The following GALNT10 variants were observed in gnomAD, a reference collection of about 807,000 sequenced individuals.
GALNT10 encodes GalNAc transferase 10.
A neutral mutation model predicts 75.0 loss-of-function variants in GALNT10; 41 were observed. The observed-to-expected ratio is 0.55, with a 90% CI of 0.43 to 0.71. GALNT10 has a LOEUF of 0.71. Among genes scored for constraint, GALNT10 ranks in the 30% least tolerant of loss-of-function variants. GALNT10 has a pLI of 0.00. For synonymous variants in GALNT10, 302 were observed against 313.0 expected, an observed-to-expected ratio of 0.96 and a Z score of 0.37; for missense variants, 727 against 818.5, an observed-to-expected ratio of 0.89 and a Z score of 1.36.
intron 1 of GALNT10, among the ~76,000 whole-genome samples, chr5:154,257,891 TG>T (rs1267790710): frequency 6.6e-6 from 1 of 152,276 alleles, no homozygotes; most frequent in East Asian, 1.9e-4. Context: ...AAATCTTTCT[TG>T]AAACACTTCT....
At chr5:154,228,045 G>A (rs1417930529) in intron 1 of GALNT10, among the ~76,000 whole-genome samples, 3 of 151,906 alleles carry the variant, frequency 2.0e-5, no homozygotes, top group Non-Finnish European at 2.9e-5. Flanking sequence ...ATTTTCTCTC[G>A]CTCCTACATT....
chr5:154,366,011 A>T (rs1381486027), intron 4 of GALNT10, among the ~76,000 whole-genome samples: 1 of 152,196 alleles, frequency 6.6e-6, no homozygotes, highest in Non-Finnish European at 1.5e-5. Context: ...CATGTATATC[A>T]AGAGCAGATA....
chr5:154,202,722 CAG>C (rs1257819361), intron 1 of GALNT10, among the ~76,000 whole-genome samples: 3 of 152,230 alleles, frequency 2.0e-5, no homozygotes, highest in Admixed American at 2.0e-4. Context: ...GGCACACGAG[CAG>C]AGTCAGTTTT....
In GALNT10 at chr5:154,404,168, A is replaced by C. The variant is rs761407846; in HGVS notation, c.1121A>C (p.Lys374Thr). Reference sequence around the variant, plus strand: ...TCCAGGGTGGGCCATATCTACAGGAAGTATGTGCCCTACAAGGTCCCGGCC... The same window carrying C: ...TCCAGGGTGGGCCATATCTACAGGACGTATGTGCCCTACAAGGTCCCGGCC... ...PCSRVGHIYR[K>T]YVPYKVPAGV... is the part of the protein sequence containing the mutation. The change falls in exon 8 of 12, where the codon AAG becomes ACG. Residue 374 changes from lysine to threonine, a missense_variant. By Grantham distance (78) the Lys-to-Thr change is moderately conservative. Coordinates refer to ENST00000297107, the MANE Select transcript of GALNT10 (RefSeq NM_198321.4). 1 of 1,612,776 alleles carries C rather than the reference A, an allele frequency of 6.2e-7. No individual in the cohort carries two copies. Among genetic ancestry groups the C allele is most frequent in the African/African-American group, 1.3e-5 (1 of 75,030 alleles).
chr5:154,362,419 A>G (rs1755404726), intron 4 of GALNT10, among the ~76,000 whole-genome samples: 1 of 152,160 alleles, frequency 6.6e-6, no homozygotes, highest in Non-Finnish European at 1.5e-5. Context: ...GACAAATTAA[A>G]CATTCAAAAG....
At chr5:154,319,611 C>T (rs1394351828) in intron 3 of GALNT10, among the ~76,000 whole-genome samples, 1 of 152,170 alleles carries the variant, frequency 6.6e-6, no homozygotes, top group Non-Finnish European at 1.5e-5. Context: ...AACTGTCAGG[C>T]GTAAGCCATG....
chr5:154,350,697 A>G (rs62379905), intron 4 of GALNT10, among the ~76,000 whole-genome samples: 3,844 of 152,320 alleles, frequency 0.025, 72 homozygotes, highest in Middle Eastern at 0.071. Context: ...CAAGCTACCA[A>G]TGGAACAGAG....
chr5:154,280,796 A>G (rs190220634), intron 1 of GALNT10, among the ~76,000 whole-genome samples: 4 of 152,338 alleles, frequency 2.6e-5, no homozygotes, highest in Admixed American at 6.5e-5. Flanking sequence ...TTTCAAGTTT[A>G]TATCATGTAG....
chr5:154,288,029 T>C (rs1478585837), intron 1 of GALNT10, among the ~76,000 whole-genome samples: 1 of 152,032 alleles, frequency 6.6e-6, no homozygotes, highest in African/African-American at 2.4e-5. Flanking sequence ...GATATAGTTA[T>C]TTAAACCTCA....
At chr5:154,260,624 A>G (rs1581944048) in intron 1 of GALNT10, among the ~76,000 whole-genome samples, 1 of 152,054 alleles carries the variant, frequency 6.6e-6, no homozygotes, top group Non-Finnish European at 1.5e-5. Flanking sequence ...ATTCAAAACC[A>G]CTCTAGTTGC....
chr5:154,414,159 T>C (rs1471673865), intron 10 of GALNT10, among the ~76,000 whole-genome samples: 1 of 152,206 alleles, frequency 6.6e-6, no homozygotes, highest in Non-Finnish European at 1.5e-5. Context: ...GAACTGGACC[T>C]GTATGCTGCT....
chr5:154,255,657 C>T (rs996532700), intron 1 of GALNT10, among the ~76,000 whole-genome samples: 2 of 152,078 alleles, frequency 1.3e-5, no homozygotes, highest in African/African-American at 4.8e-5. Context: ...GGTTTCCTCC[C>T]TCCAGGTCTA....
intron 1 of GALNT10, among the ~76,000 whole-genome samples, chr5:154,280,032 A>C (rs567301138): frequency 6.6e-6 from 1 of 152,348 alleles, no homozygotes; most frequent in Admixed American, 6.5e-5. Context: ...AGATAAATGG[A>C]TAAAGAAAAT....
rs1180619277 is a variant in GALNT10 at position 154,409,404 on chromosome 5, C to A, written c.1165-137C>A. ...TAAATAGAAACACAGAAGGCCTAAACTCACGGTGGGGCTGGGATTTTTGAT... is the reference window on the plus strand; with the variant it reads ...TAAATAGAAACACAGAAGGCCTAAAATCACGGTGGGGCTGGGATTTTTGAT... On this transcript the variant is annotated intron_variant, in intron 8 of 11. Transcript: ENST00000297107. The surrounding 1 kb of genome is among the most constrained non-coding windows in gnomAD (Gnocchi z 4.5). 1 of 747,598 alleles carries A rather than the reference C, an allele frequency of 1.3e-6. No individual in the cohort carries two copies. Among genetic ancestry groups the A allele is most frequent in the Non-Finnish European group, 2.5e-6 (1 of 405,902 alleles). The allele number at this position is 747,598 out of a possible 1,614,324, so 46.3% of individuals were successfully genotyped here. A position where few individuals can be genotyped will look rare whatever the true frequency, so the allele number is the denominator to read the frequency against.
intron 3 of GALNT10, among the ~76,000 whole-genome samples, chr5:154,326,671 A>G (rs974705296): frequency 1.3e-5 from 2 of 152,248 alleles, no homozygotes; most frequent in Non-Finnish European, 2.9e-5. Context: ...ATCCATTTAT[A>G]TAAAATGTCC....
At chr5:154,272,262 A>G (rs1047130824) in intron 1 of GALNT10, among the ~76,000 whole-genome samples, 1 of 152,178 alleles carries the variant, frequency 6.6e-6, no homozygotes. Flanking sequence ...GAGCCATGCC[A>G]ATCTGATTAA....
At position 154,352,618 on chromosome 5, in the gene GALNT10, A is replaced by C. The variant is rs1218762394; in HGVS notation, c.568+22880A>C. Among the ~76,000 whole-genome samples, 2 of 152,060 alleles carry C rather than the reference A, an allele frequency of 1.3e-5. No individual in the cohort carries two copies. Among genetic ancestry groups the C allele is most frequent in the East Asian group, 3.9e-4 (2 of 5,172 alleles). On this transcript the variant is annotated intron_variant, in intron 4 of 11. Transcript: ENST00000297107. This position sits in a 1 kb window ranked among gnomAD's most constrained non-coding sequence, Gnocchi z 4.4. Reference sequence around the variant, plus strand: ...CCCCAGGTACCTACCACTGCTTTCTACCATCTTGCCCCCAGAGGTCTTGCC... The same window carrying C: ...CCCCAGGTACCTACCACTGCTTTCTCCCATCTTGCCCCCAGAGGTCTTGCC...
chr5:154,330,907 G>A (rs1254084241), intron 4 of GALNT10, among the ~76,000 whole-genome samples: 1 of 101,740 alleles, frequency 9.8e-6, no homozygotes, highest in Admixed American at 1.2e-4. Context: ...GAGACAGAGA[G>A]GGTGTGTGTG....
At chr5:154,405,736 C>T (rs1269312035) in intron 8 of GALNT10, among the ~76,000 whole-genome samples, 1 of 152,080 alleles carries the variant, frequency 6.6e-6, no homozygotes. Context: ...GTCCCAACTA[C>T]TCAGGAAGCT....
Sources: gnomAD v4.1 joint callset for allele counts (sites outside exome capture counted in the v4.1 genomes callset) on GRCh38, gnomAD v4.1.1 for gene constraint, Gnocchi (gnomAD v3.1) non-coding constraint, MANE v1.5 for transcripts, NCBI Gene and HGNC (gene_info 2026-07-23, HGNC 2026-07-21) for gene names.